Variants in ATG7 observed in about 807,000 individuals in gnomAD.
ATG7 encodes autophagy related 7.
In ATG7, 70 loss-of-function variants were observed where a neutral mutation model predicts 82.4. The observed-to-expected ratio is 0.85, with a 90% CI of 0.70 to 1.04. The LOEUF is 1.04. ATG7 is among the 50% of genes least tolerant of loss of function. The probability of loss-of-function intolerance (pLI) is 0.00; values close to 1 mark genes in which losing one functional copy is unlikely to be tolerated. For synonymous variants in ATG7, 287 were observed against 313.0 expected (o/e 0.92, Z 0.88); for missense variants, 792 against 864.3 (o/e 0.92, Z 1.05).
rs76955931 is a variant in ATG7, at chr3:11,525,031, C to CTTTATTTA, written c.2080-29760_2080-29753dup. Among the ~76,000 whole-genome samples, 1,482 of 151,332 alleles carry CTTTATTTA rather than the reference C, an allele frequency of 9.8e-3. 22 individuals carry two copies. Among genetic ancestry groups the CTTTATTTA allele is most frequent in the African/African-American group, 0.03 (1,217 of 41,222 alleles). On this transcript the variant is annotated intron_variant, in intron 20 of 20. Coordinates refer to ENST00000693202, the MANE Select transcript of ATG7 (RefSeq NM_001349232.2). ...TATTCCTCTGTCTGTGCAAATCTCA[C>CTTTATTTA]TTTATTTATTTATTTATTTATTTAT...
At chr3:11,398,257 T>C (rs1171749977) in intron 19 of ATG7, among the ~76,000 whole-genome samples, 11 of 152,148 alleles carry the variant, frequency 7.2e-5, no homozygotes, top group African/African-American at 2.4e-4. Context: ...GCACCTAATT[T>C]GAAAAGAAAT....
chr3:11,380,825 G>T (rs1313485625), intron 19 of ATG7, among the ~76,000 whole-genome samples: 1 of 152,110 alleles, frequency 6.6e-6, no homozygotes, highest in Non-Finnish European at 1.5e-5. Context: ...CCCAACTGTG[G>T]CTTCTCAGTT....
chr3:11,482,239 C>T (rs904868328), intron 20 of ATG7, among the ~76,000 whole-genome samples: 3 of 152,198 alleles, frequency 2.0e-5, no homozygotes, highest in African/African-American at 7.2e-5. Context: ...CTGGGCGCCA[C>T]AGCAGCTGTG....
intron 20 of ATG7, among the ~76,000 whole-genome samples, chr3:11,445,605 T>TA (rs2084467797): frequency 6.6e-6 from 1 of 152,156 alleles, no homozygotes; most frequent in Non-Finnish European, 1.5e-5. Flanking sequence ...GGTGATGAAA[T>TA]AATCTGTACG....
chr3:11,416,052 A>T (rs1040473010), intron 19 of ATG7, among the ~76,000 whole-genome samples: 1 of 152,218 alleles, frequency 6.6e-6, no homozygotes, highest in Non-Finnish European at 1.5e-5. Flanking sequence ...CCCATTGTAT[A>T]TGCAGTTCCT....
intron 7 of ATG7, among the ~76,000 whole-genome samples, chr3:11,311,672 G>A (rs1948697913): frequency 6.6e-6 from 1 of 151,796 alleles, no homozygotes; most frequent in Non-Finnish European, 1.5e-5. Flanking sequence ...CTAAATATCG[G>A]TTATGACAAA....
chr3:11,535,668 C>T (rs147866622), intron 20 of ATG7, among the ~76,000 whole-genome samples: 37 of 152,232 alleles, frequency 2.4e-4, no homozygotes, highest in African/African-American at 7.7e-4. Flanking sequence ...GAGGAGGGCT[C>T]GGCCCTCTCT....
rs191301869 is a variant in ATG7 at position 11,411,214 on chromosome 3, G to A, written c.1957-15590G>A. The stretch of plus-strand genomic sequence containing the variant: ...TATCAGTGATGTTGAGCATCTTTTC[G>A]TGTGCTTATTGGCCATTTGTATATC... On this transcript the variant is annotated intron_variant, in intron 19 of 20. Coordinates refer to ENST00000693202, the MANE Select transcript of ATG7 (RefSeq NM_001349232.2). 7.2e-5 allele frequency among the ~76,000 whole-genome samples: 11 copies of A among 152,096 alleles called. No individual in the cohort carries two copies. In the East Asian group the frequency reaches 1.2e-3, roughly 16 times the overall value.
intron 20 of ATG7, among the ~76,000 whole-genome samples, chr3:11,512,759 G>T (rs1267042461): frequency 6.6e-6 from 1 of 152,226 alleles, no homozygotes; most frequent in Non-Finnish European, 1.5e-5. Context: ...AGCTTCCATA[G>T]TGTGGAAGGG....
intron 18 of ATG7, among the ~76,000 whole-genome samples, chr3:11,374,102 G>A (rs1425460355): frequency 6.6e-6 from 1 of 152,158 alleles, no homozygotes; most frequent in East Asian, 1.9e-4. Flanking sequence ...ATAGTATTCA[G>A]ACTGATCCTC....
intron 1 of ATG7, among the ~76,000 whole-genome samples, chr3:11,277,891 A>AC (rs71626995): frequency 0.21 from 12,621 of 60,534 alleles, 2,054 homozygotes; most frequent in South Asian, 0.27. Flanking sequence ...CCCTTTATAG[A>AC]CCCCCCCCCC....
Position 11,386,835 on chromosome 3 carries a change from A to G in ATG7, c.1956+6783A>G, listed in dbSNP as rs1281496919. Among the ~76,000 whole-genome samples the G allele has an allele frequency of 2.0e-5, 3 of 152,330 alleles. No individual in the cohort carries two copies. In the East Asian group the frequency reaches 5.8e-4, roughly 29 times the overall value. On this transcript the variant is annotated intron_variant, in intron 19 of 20. Transcript: ENST00000693202. ...ACTAGTGTTTTCTCCAATCTCCAGAACTGCTTGGTTCCCAAAAGGAGATGG... is the reference window on the plus strand; with the variant it reads ...ACTAGTGTTTTCTCCAATCTCCAGAGCTGCTTGGTTCCCAAAAGGAGATGG...
At chr3:11,333,314 G>T (rs1000740487) in intron 11 of ATG7, among the ~76,000 whole-genome samples, 18 of 152,176 alleles carry the variant, frequency 1.2e-4, no homozygotes, top group African/African-American at 4.3e-4. Context: ...TCTCTAGGCA[G>T]TTTTTTCAGT....
chr3:11,288,202 T>G (rs1056618788), intron 3 of ATG7, among the ~76,000 whole-genome samples: 1 of 152,248 alleles, frequency 6.6e-6, no homozygotes, highest in Admixed American at 6.5e-5. Flanking sequence ...TGAACACTTC[T>G]GCTAATGGAG....
intron 20 of ATG7, among the ~76,000 whole-genome samples, chr3:11,430,379 C>A (rs559832273): frequency 2.6e-5 from 4 of 152,076 alleles, no homozygotes; most frequent in Non-Finnish European, 5.9e-5. Flanking sequence ...TTTTGATTTA[C>A]ATACTTGATT....
intron 20 of ATG7, among the ~76,000 whole-genome samples, chr3:11,551,902 C>T (rs2071832332): frequency 6.6e-6 from 1 of 151,916 alleles, no homozygotes; most frequent in Non-Finnish European, 1.5e-5. Context: ...GTGCCCACCA[C>T]CACGCCTGGC....
intron 20 of ATG7, among the ~76,000 whole-genome samples, chr3:11,430,795 C>T (rs954597073): frequency 6.6e-6 from 1 of 152,144 alleles, no homozygotes; most frequent in Non-Finnish European, 1.5e-5. Flanking sequence ...GCTGAGAGAG[C>T]AGTTACTTCT....
chr3:11,493,967 G>T (rs1233038655), intron 20 of ATG7, among the ~76,000 whole-genome samples: 5 of 152,210 alleles, frequency 3.3e-5, no homozygotes, highest in African/African-American at 4.8e-5. Flanking sequence ...ATTCTTAAAT[G>T]TAAGGAGTAG....
chr3:11,375,402 GA>G (rs1170527356), intron 18 of ATG7, among the ~76,000 whole-genome samples: 1 of 152,220 alleles, frequency 6.6e-6, no homozygotes, highest in Non-Finnish European at 1.5e-5. Flanking sequence ...CACATGGAAA[GA>G]TGCTTGACAT....
Sources: allele counts gnomAD v4.1 joint callset (sites outside exome capture counted in the v4.1 genomes callset), GRCh38; gene constraint gnomAD v4.1.1; transcripts MANE v1.5; gene names NCBI Gene and HGNC (gene_info 2026-07-23, HGNC 2026-07-21).